Variants in FLNB observed in about 807,000 individuals in gnomAD.
FLNB encodes filamin-B.
A neutral mutation model predicts 250.6 loss-of-function variants in FLNB; 111 were observed. The observed-to-expected ratio is 0.44, with a 90% CI of 0.38 to 0.52. FLNB has a LOEUF of 0.52. FLNB is among the 20% of genes least tolerant of loss of function. The pLI is 0.00. For missense variants in FLNB, 2,869 were observed against 3,447.8 expected, an observed-to-expected ratio of 0.83 and a Z score of 4.20; for synonymous variants, 1,302 against 1,372.1, an observed-to-expected ratio of 0.95 and a Z score of 1.13.
intron 41 of FLNB, among the ~76,000 whole-genome samples, chr3:58,159,013 A>G (rs551272929): frequency 1.2e-4 from 18 of 151,976 alleles, no homozygotes; most frequent in Middle Eastern, 3.4e-3. Flanking sequence ...CACCCTAGAT[A>G]TATAGCTAGG....
intron 1 of FLNB, among the ~76,000 whole-genome samples, chr3:58,043,867 TC>T (rs2097149734): frequency 6.6e-6 from 1 of 152,152 alleles, no homozygotes. Flanking sequence ...CAACCAGTGA[TC>T]CCTATAATGA....
At chr3:58,153,327 C>A (rs753320080) in intron 38 of FLNB, 48 bp from the exon 39 acceptor site, 2 of 1,610,258 alleles carry the variant, frequency 1.2e-6, no homozygotes, top group Admixed American at 3.3e-5. Flanking sequence ...CTGTCTCAGG[C>A]CCTTGCCCTA....
intron 12 of FLNB, 82 bp downstream of exon 12, chr3:58,106,955 A>G (rs1559697478): frequency 1.0e-6 from 1 of 987,566 alleles, no homozygotes; most frequent in South Asian, 1.3e-5. Context: ...CTTAAGCAGC[A>G]TGTTGAGAGA....
intron 24 of FLNB, among the ~76,000 whole-genome samples, chr3:58,130,445 T>G (rs1036313410): frequency 6.6e-6 from 1 of 152,118 alleles, no homozygotes; most frequent in Admixed American, 6.5e-5. Flanking sequence ...AAATATGTTA[T>G]GTAGGATGTT....
intron 43 of FLNB, 44 bp downstream of exon 43, chr3:58,163,374 C>G (rs1167141312): frequency 3.8e-6 from 6 of 1,592,808 alleles, no homozygotes; most frequent in Non-Finnish European, 8.6e-7. Context: ...TGAACCAGCT[C>G]CAGGGACCAA....
intron 1 of FLNB, among the ~76,000 whole-genome samples, chr3:58,075,177 G>T (rs1028728480): frequency 6.6e-6 from 1 of 152,010 alleles, no homozygotes; most frequent in African/African-American, 2.4e-5. Flanking sequence ...GTGTAATTTG[G>T]CATGTGTTCA....
rs1289469740 is a variant in FLNB at position 58,098,816 on chromosome 3, A to G, written c.1253A>G (p.Tyr418Cys). ...DKGNQVYRCV[Y>C]KPMQPGPHVV... ...GGAAACCAGGTGTATCGATGTGTGTACAAACCCATGCAGCCTGGCCCTCAC... is the reference window on the plus strand; with the variant it reads ...GGAAACCAGGTGTATCGATGTGTGTGCAAACCCATGCAGCCTGGCCCTCAC... Residue 418 changes from tyrosine to cysteine, a missense_variant, in exon 8 of 46, where the codon TAC (tyrosine) becomes TGC (cysteine). Physicochemically the swap from Tyr to Cys is radical, Grantham distance 194 (BLOSUM62 -2). Transcript: ENST00000295956. The G allele has an allele frequency of 6.2e-7, 1 of 1,614,210 alleles. No homozygotes were observed. The highest frequency in any genetic ancestry group is 8.5e-7 in the Non-Finnish European group (1 of 1,180,022).
At chr3:58,167,639 A>G (rs745335925) in intron 43 of FLNB, among the ~76,000 whole-genome samples, 3 of 152,228 alleles carry the variant, frequency 2.0e-5, no homozygotes, top group South Asian at 2.1e-4. Context: ...GATCTGAGGC[A>G]GCTCCACTGC....
chr3:58,126,112 C>T (rs995399916), intron 23 of FLNB, among the ~76,000 whole-genome samples: 5 of 152,208 alleles, frequency 3.3e-5, no homozygotes, highest in African/African-American at 1.2e-4. Context: ...TGTGGCGGCT[C>T]ACACCTGTAA....
At chr3:58,149,285 T>A in intron 36 of FLNB, 1 of 273,190 alleles carries the variant, frequency 3.7e-6, no homozygotes, top group South Asian at 4.3e-5. Flanking sequence ...TTGAGTTAGA[T>A]TGTGTCTCTT....
At chr3:58,095,663 GTTC>G (rs1184161621) in intron 5 of FLNB, among the ~76,000 whole-genome samples, 1 of 152,184 alleles carries the variant, frequency 6.6e-6, no homozygotes, top group Admixed American at 6.5e-5. Context: ...TGCACATGCT[GTTC>G]TTTCTGTCAC....
chr3:58,137,763 A>C (rs1409340714), intron 28 of FLNB, among the ~76,000 whole-genome samples: 1 of 152,240 alleles, frequency 6.6e-6, no homozygotes, highest in Non-Finnish European at 1.5e-5. Flanking sequence ...GCCCTTTGTC[A>C]GTGCGGCAAC....
Position 58,149,918 on chromosome 3 carries a change from G to A in FLNB, c.6160G>A (p.Asp2054Asn), listed in dbSNP as rs765559414. Residue 2054 changes from aspartate to asparagine, a missense_variant, in exon 37 of 46, where the codon GAT (aspartate) becomes AAT (asparagine). Physicochemically the swap from Asp to Asn is conservative, Grantham distance 23 (BLOSUM62 1). Around this residue, in one of 5 missense-constraint regions of FLNB, gnomAD observed 1,084 missense variants for 1,315.5 expected, o/e 0.82. Coordinates refer to ENST00000295956, the MANE Select transcript of FLNB (RefSeq NM_001457.4). ...KVDIQTEDLE[D>N]GTCKVSYFPT... is the part of the protein sequence containing the mutation. ...GGACATCCAGACGGAGGACCTGGAA[G>A]ATGGCACCTGCAAAGTCTCCTACTT... 6.2e-7 allele frequency: 1 copy of A among 1,614,258 alleles called. No homozygotes were observed. Among genetic ancestry groups the A allele is most frequent in the South Asian group, 1.1e-5 (1 of 91,086 alleles).
chr3:58,156,278 A>G (rs1057126368), intron 41 of FLNB, among the ~76,000 whole-genome samples: 1 of 152,232 alleles, frequency 6.6e-6, no homozygotes, highest in African/African-American at 2.4e-5. Flanking sequence ...GGGGCGAGCA[A>G]AAACAGAGCC....
At chr3:58,103,837 C>A in intron 9 of FLNB, 122 bp from the exon 10 acceptor site, 1 of 1,176,620 alleles carries the variant, frequency 8.5e-7, no homozygotes, top group Non-Finnish European at 1.3e-6. Flanking sequence ...TGGGGCAGCC[C>A]ACTTGGTTTT....
intron 1 of FLNB, among the ~76,000 whole-genome samples, chr3:58,058,008 C>T (rs547357875): frequency 3.3e-5 from 5 of 152,212 alleles, no homozygotes; most frequent in South Asian, 2.1e-4. Context: ...AGGCTGGTCT[C>T]GAACTCCCGA....
intron 1 of FLNB, among the ~76,000 whole-genome samples, chr3:58,064,137 G>A (rs571044946): frequency 1.4e-4 from 22 of 152,248 alleles, no homozygotes; most frequent in Non-Finnish European, 3.1e-4. Flanking sequence ...TAGGCAGTTA[G>A]AAAATATGTG....
intron 2 of FLNB, chr3:58,078,278 G>C (rs143061664): frequency 7.0e-7 from 1 of 1,419,848 alleles, no homozygotes; most frequent in South Asian, 1.6e-5. Flanking sequence ...TACCTCATGT[G>C]CTTACAAAGG....
intron 37 of FLNB, 46 bp from the exon 38 acceptor site, chr3:58,150,059 G>A: frequency 1.2e-6 from 2 of 1,614,262 alleles, no homozygotes; most frequent in South Asian, 1.1e-5. Flanking sequence ...TAAATGCTGT[G>A]CCTTGGCCTC....
Sources: allele counts gnomAD v4.1 joint callset (sites outside exome capture counted in the v4.1 genomes callset), GRCh38; gene constraint gnomAD v4.1.1; regional missense constraint gnomAD v4.1.1; transcripts MANE v1.5; gene names NCBI Gene and HGNC (gene_info 2026-07-23, HGNC 2026-07-21).